CDH13: variants seen among roughly 807,000 people sequenced by gnomAD.
CDH13 encodes the protein cadherin 13, also known as cadherin-13.
Under a neutral mutation model 63.8 loss-of-function variants are expected in CDH13, and 24 were observed. The ratio of observed to expected loss-of-function variants is 0.38; its 90% CI spans 0.27 to 0.53. The LOEUF is 0.53. Ranked by LOEUF, CDH13 falls within the 20% of genes least tolerant of loss-of-function variation. The probability of loss-of-function intolerance (pLI) is 0.85; values close to 1 mark genes in which losing one functional copy is unlikely to be tolerated. For synonymous variants in CDH13, 503 were observed against 355.3 expected, an observed-to-expected ratio of 1.42 and a Z score of -4.67; for missense variants, 1,049 against 903.1, an observed-to-expected ratio of 1.16 and a Z score of -2.07.
intron 1 of CDH13, among the ~76,000 whole-genome samples, chr16:82,708,434 C>T (rs1389341158): frequency 1.3e-5 from 2 of 152,158 alleles, no homozygotes; most frequent in Non-Finnish European, 2.9e-5. Context: ...AGCTCTCCTT[C>T]GTGCTTCTCT....
intron 1 of CDH13, among the ~76,000 whole-genome samples, chr16:82,703,850 C>A (rs1006306056): frequency 1.3e-5 from 2 of 152,162 alleles, no homozygotes; most frequent in African/African-American, 4.8e-5. Context: ...TCATTCAGAG[C>A]CCCGTCAGTG....
intron 1 of CDH13, among the ~76,000 whole-genome samples, chr16:82,832,914 A>C (rs1208378588): frequency 6.6e-6 from 1 of 152,254 alleles, no homozygotes; most frequent in Admixed American, 6.5e-5. Flanking sequence ...GCAGATGCTT[A>C]AGAGGCTGCT....
intron 10 of CDH13, among the ~76,000 whole-genome samples, chr16:83,710,783 A>G (rs531982768): frequency 1.3e-5 from 2 of 152,356 alleles, no homozygotes; most frequent in East Asian, 1.9e-4. Flanking sequence ...TAAGCACTCA[A>G]TAAACAGGGC....
intron 7 of CDH13, among the ~76,000 whole-genome samples, chr16:83,550,098 T>C (rs1376802546): frequency 2.6e-5 from 4 of 152,256 alleles, no homozygotes; most frequent in Admixed American, 6.5e-5. Context: ...GTTCTGACTC[T>C]TCAAGATTCA....
intron 10 of CDH13, among the ~76,000 whole-genome samples, chr16:83,714,383 C>T (rs1408422185): frequency 6.6e-6 from 1 of 152,240 alleles, no homozygotes; most frequent in East Asian, 1.9e-4. Context: ...TTAAACAAAA[C>T]ACTGTGAAGC....
chr16:82,998,862 C>CTTTT (rs200853526), intron 2 of CDH13, among the ~76,000 whole-genome samples: 5,439 of 128,428 alleles, frequency 0.042, 164 homozygotes, highest in African/African-American at 0.056. Flanking sequence ...CCCCTTGATC[C>CTTTT]TTTTTTTTTT....
At chr16:82,643,753 C>CT (rs970731343) in intron 1 of CDH13, among the ~76,000 whole-genome samples, 19 of 152,124 alleles carry the variant, frequency 1.2e-4, no homozygotes, top group South Asian at 2.1e-4. Context: ...GTGTTACTGA[C>CT]TTTTTTTAAG....
chr16:83,373,107 C>T (rs2091401769), intron 6 of CDH13, among the ~76,000 whole-genome samples: 1 of 152,156 alleles, frequency 6.6e-6, no homozygotes, highest in Admixed American at 6.5e-5. Context: ...AGAGTTTGGG[C>T]ATATTTGGGT....
At chr16:83,665,533 C>T (rs115437580) in intron 8 of CDH13, among the ~76,000 whole-genome samples, 2 of 152,158 alleles carry the variant, frequency 1.3e-5, no homozygotes, top group Admixed American at 1.3e-4. Flanking sequence ...GATGGTCTCT[C>T]CCCTACCCTT....
chr16:83,600,137 G>A (rs530774279), intron 7 of CDH13, among the ~76,000 whole-genome samples: 25 of 152,286 alleles, frequency 1.6e-4, no homozygotes, highest in South Asian at 8.3e-4. Context: ...TCTTGAACCA[G>A]GCAGAACCAG....
At chr16:83,299,782 A>T (rs955152275) in intron 5 of CDH13, among the ~76,000 whole-genome samples, 1 of 152,232 alleles carries the variant, frequency 6.6e-6, no homozygotes, top group Non-Finnish European at 1.5e-5. Flanking sequence ...TTATTGCAGC[A>T]TAACACTTTA....
At chr16:82,947,901 T>A (rs535893736) in intron 2 of CDH13, among the ~76,000 whole-genome samples, 1 of 152,178 alleles carries the variant, frequency 6.6e-6, no homozygotes, top group Non-Finnish European at 1.5e-5. Context: ...ATGGAACTAG[T>A]TGGGAGTGTG....
At chr16:83,334,944 A>T (rs920499810) in intron 5 of CDH13, among the ~76,000 whole-genome samples, 1 of 152,200 alleles carries the variant, frequency 6.6e-6, no homozygotes, top group Admixed American at 6.5e-5. Flanking sequence ...ATTCATATGT[A>T]AGGACTCAGG....
chr16:83,337,826 G>T (rs530639275), intron 5 of CDH13, among the ~76,000 whole-genome samples: 10 of 151,852 alleles, frequency 6.6e-5, no homozygotes, highest in African/African-American at 2.4e-4. Context: ...AACTCATTAA[G>T]CTCCTCAATT....
chr16:83,513,863 C>A (rs951067908), intron 7 of CDH13, among the ~76,000 whole-genome samples: 1 of 152,144 alleles, frequency 6.6e-6, no homozygotes, highest in Non-Finnish European at 1.5e-5. Context: ...TTATTGCCAG[C>A]CTCTCTAGTC....
intron 2 of CDH13, among the ~76,000 whole-genome samples, chr16:82,984,382 G>A (rs1795137135): frequency 6.6e-6 from 1 of 152,152 alleles, no homozygotes; most frequent in South Asian, 2.1e-4. Flanking sequence ...ATGTACCTCC[G>A]AATCTGGCAG....
chr16:83,092,959 C>G (rs2033991603), intron 3 of CDH13, among the ~76,000 whole-genome samples: 1 of 152,138 alleles, frequency 6.6e-6, no homozygotes, highest in African/African-American at 2.4e-5. Context: ...CTAAAAACTT[C>G]CCCAAGTTAG....
chr16:83,016,657 C>G lies in CDH13; in HGVS notation c.158-15353C>G, dbSNP rs75901179. Among the ~76,000 whole-genome samples, 3 of 152,192 alleles carry G rather than the reference C, an allele frequency of 2.0e-5. No individual in the cohort carries two copies. In the East Asian group the frequency reaches 5.8e-4, roughly 29 times the overall value. ...CCTTTAGGAAGGAGATCCATTGTTGCCTTAGATGGTGTTCTTGAGCCCCTA... is the reference window on the plus strand; with the variant it reads ...CCTTTAGGAAGGAGATCCATTGTTGGCTTAGATGGTGTTCTTGAGCCCCTA... On this transcript the variant is annotated intron_variant, in intron 2 of 13. Transcript: ENST00000567109.
chr16:82,973,475 G>A (rs973880577), intron 2 of CDH13, among the ~76,000 whole-genome samples: 12 of 152,120 alleles, frequency 7.9e-5, no homozygotes, highest in Non-Finnish European at 1.6e-4. Flanking sequence ...ACACATATTA[G>A]GCACCTACTG....
Sources: allele counts gnomAD v4.1 joint callset (sites outside exome capture counted in the v4.1 genomes callset), GRCh38; gene constraint gnomAD v4.1.1; transcripts MANE v1.5; gene names NCBI Gene and HGNC (gene_info 2026-07-23, HGNC 2026-07-21).